Variants in CA10 observed in about 807,000 individuals in gnomAD.
The protein encoded by CA10 is carbonic anhydrase-related protein 10.
Under a neutral mutation model 44.2 loss-of-function variants are expected in CA10, and 14 were observed. The ratio of observed to expected loss-of-function variants is 0.32; its 90% CI spans 0.21 to 0.50. The LOEUF (loss-of-function observed/expected upper bound fraction) is 0.50. Ranked by LOEUF, CA10 falls within the 20% of genes least tolerant of loss-of-function variation. CA10 has a pLI of 0.99. For missense variants in CA10, 350 were observed against 409.7 expected (o/e 0.85, Z 1.26); for synonymous variants, 159 against 141.6 (o/e 1.12, Z -0.87).
intron 4 of CA10, among the ~76,000 whole-genome samples, chr17:51,690,518 C>T (rs1915158530): frequency 6.6e-6 from 1 of 152,190 alleles, no homozygotes; most frequent in African/African-American, 2.4e-5. Flanking sequence ...CCCCATGTGT[C>T]ATGGGAGAGG....
chr17:51,795,701 C>T (rs1906679224), intron 3 of CA10, among the ~76,000 whole-genome samples: 1 of 152,194 alleles, frequency 6.6e-6, no homozygotes, highest in Admixed American at 6.5e-5. Context: ...AATAATTTCT[C>T]ACAGATCTGT....
At chr17:51,740,701 T>C (rs960550116) in intron 4 of CA10, among the ~76,000 whole-genome samples, 2 of 152,168 alleles carry the variant, frequency 1.3e-5, no homozygotes, top group African/African-American at 4.8e-5. Context: ...CACTCACACA[T>C]GTGCTCATGC....
chr17:51,791,681 A>C (rs1008899801), intron 3 of CA10, among the ~76,000 whole-genome samples: 2 of 152,196 alleles, frequency 1.3e-5, no homozygotes, highest in African/African-American at 4.8e-5. Context: ...TGGCGCCACC[A>C]ACTCAGATGA....
intron 1 of CA10, among the ~76,000 whole-genome samples, chr17:52,080,993 T>C (rs1337147034): frequency 3.3e-5 from 5 of 152,034 alleles, no homozygotes; most frequent in African/African-American, 1.2e-4. Flanking sequence ...CATGAAGTTA[T>C]TAGGTGGGCG....
At chr17:51,846,412 T>A (rs138056387) in intron 3 of CA10, among the ~76,000 whole-genome samples, 1 of 152,346 alleles carries the variant, frequency 6.6e-6, no homozygotes, top group East Asian at 1.9e-4. Flanking sequence ...GGGCTGCCTA[T>A]GGTCAGAAAT....
intron 2 of CA10, among the ~76,000 whole-genome samples, chr17:52,053,537 G>C (rs1231853331): frequency 6.6e-6 from 1 of 152,040 alleles, no homozygotes; most frequent in Non-Finnish European, 1.5e-5. Flanking sequence ...TGGAAATTAA[G>C]ATATAATTGT....
At chr17:51,887,481 C>G (rs1980659153) in intron 3 of CA10, among the ~76,000 whole-genome samples, 1 of 152,132 alleles carries the variant, frequency 6.6e-6, no homozygotes. Context: ...GCTTCAGATA[C>G]AGAGTTATAT....
At chr17:52,039,915 G>GAGGA (rs1986722147) in intron 2 of CA10, among the ~76,000 whole-genome samples, 1 of 151,946 alleles carries the variant, frequency 6.6e-6, no homozygotes. Flanking sequence ...TGTTATTCAG[G>GAGGA]AGGACATAGC....
intron 2 of CA10, among the ~76,000 whole-genome samples, chr17:52,066,587 C>T (rs1427481852): frequency 6.6e-6 from 1 of 152,188 alleles, no homozygotes; most frequent in Non-Finnish European, 1.5e-5. Context: ...CATGACTTTG[C>T]TTCTCCTTCA....
intron 3 of CA10, among the ~76,000 whole-genome samples, chr17:51,781,182 A>T (rs532204925): frequency 6.6e-6 from 1 of 152,320 alleles, no homozygotes; most frequent in Non-Finnish European, 1.5e-5. Flanking sequence ...TGGACAAGTC[A>T]TTTATCATCT....
chr17:51,740,343 A>G (rs1226965294), intron 4 of CA10, among the ~76,000 whole-genome samples: 1 of 152,068 alleles, frequency 6.6e-6, no homozygotes, highest in Non-Finnish European at 1.5e-5. Context: ...CAGTCTTTGA[A>G]TTTCCCTACC....
At chr17:51,724,781 C>T (rs1340456843) in intron 4 of CA10, among the ~76,000 whole-genome samples, 1 of 152,124 alleles carries the variant, frequency 6.6e-6, no homozygotes, top group Non-Finnish European at 1.5e-5. Flanking sequence ...CCCTGAAGAC[C>T]CAGGGAAAAT....
At chr17:51,897,663 C>T (rs533909175) in intron 3 of CA10, among the ~76,000 whole-genome samples, 1 of 152,152 alleles carries the variant, frequency 6.6e-6, no homozygotes, top group South Asian at 2.1e-4. Context: ...GGCATTATGG[C>T]CATTTTAACA....
At chr17:51,949,128 T>C (rs971497251) in intron 2 of CA10, among the ~76,000 whole-genome samples, 1 of 152,208 alleles carries the variant, frequency 6.6e-6, no homozygotes, top group Admixed American at 6.5e-5. Flanking sequence ...CATAAGTAAT[T>C]GGGGCAGCAG....
At chr17:52,078,133 T>A (rs1987866832) in intron 1 of CA10, among the ~76,000 whole-genome samples, 1 of 152,236 alleles carries the variant, frequency 6.6e-6, no homozygotes, top group Non-Finnish European at 1.5e-5. Flanking sequence ...CCAAGTCAAC[T>A]AATTTAACTA....
At chr17:52,058,405 C>T (rs1987288640) in intron 2 of CA10, among the ~76,000 whole-genome samples, 1 of 152,070 alleles carries the variant, frequency 6.6e-6, no homozygotes, top group South Asian at 2.1e-4. Context: ...CTGTATTTTA[C>T]AAATGAGTAA....
At chr17:52,110,777 G>A (rs1341309874) in intron 1 of CA10, among the ~76,000 whole-genome samples, 3 of 152,072 alleles carry the variant, frequency 2.0e-5, no homozygotes, top group Non-Finnish European at 2.9e-5. Context: ...TTGGTTACTG[G>A]CTATAGGCTG....
intron 4 of CA10, 66 bp from the exon 5 acceptor site, chr17:51,653,802 C>A (rs1314890522): frequency 4.4e-6 from 4 of 902,988 alleles, no homozygotes; most frequent in Non-Finnish European, 5.6e-6. Flanking sequence ...GGCATAGCAC[C>A]TGCCCCTACA....
At chr17:51,734,968 G>A (rs1916851269) in intron 4 of CA10, among the ~76,000 whole-genome samples, 1 of 152,170 alleles carries the variant, frequency 6.6e-6, no homozygotes, top group Non-Finnish European at 1.5e-5. Flanking sequence ...AGGGAAAGAA[G>A]GAGGAGGCTT....
Sources: allele counts gnomAD v4.1 joint callset (sites outside exome capture counted in the v4.1 genomes callset), GRCh38; gene constraint gnomAD v4.1.1; transcripts MANE v1.5; gene names NCBI Gene and HGNC (gene_info 2026-07-23, HGNC 2026-07-21).